Variants in SYBU observed in about 807,000 individuals in gnomAD.
SYBU encodes the protein GOLSYN A protein.
Under a neutral mutation model 35.9 loss-of-function variants are expected in SYBU, and 21 were observed. That is an observed-to-expected ratio of 0.58 (90% CI 0.41 to 0.84). The LOEUF (loss-of-function observed/expected upper bound fraction) is 0.84. SYBU is among the 40% of genes least tolerant of loss of function. SYBU has a pLI of 0.00. For missense variants in SYBU, 768 were observed against 848.2 expected (o/e 0.91, Z 1.17); for synonymous variants, 319 against 324.3 (o/e 0.98, Z 0.18).
At chr8:109,658,098 G>T (rs887976199) in intron 1 of SYBU, among the ~76,000 whole-genome samples, 1 of 152,068 alleles carries the variant, frequency 6.6e-6, no homozygotes, top group Non-Finnish European at 1.5e-5. Flanking sequence ...CCTCTTAAAG[G>T]TACTGTAGCA....
At position 109,652,921 on chromosome 8, in the gene SYBU, T is replaced by C. The variant is rs1368421649; in HGVS notation, c.-129+27790A>G. On this transcript the variant is annotated intron_variant, in intron 1 of 5. Coordinates refer to the SYBU transcript ENST00000408889. ...TTGGTATTCTTATTTGTAAAATACA[T>C]GCGTGGTTCTACTTCATAGGTCTAT... Among the ~76,000 whole-genome samples the C allele has an allele frequency of 2.6e-5, 4 of 152,210 alleles. No individual in the cohort carries two copies. In the South Asian group the frequency reaches 6.2e-4, roughly 24 times the overall value.
intron 3 of SYBU, among the ~76,000 whole-genome samples, chr8:109,606,330 G>A (rs1300795185): frequency 6.6e-6 from 1 of 152,104 alleles, no homozygotes; most frequent in Non-Finnish European, 1.5e-5. Context: ...TAATTTTTTT[G>A]TATGCCATAT....
At chr8:109,678,418 A>G (rs560601315) in intron 1 of SYBU, among the ~76,000 whole-genome samples, 5 of 144,698 alleles carry the variant, frequency 3.5e-5, no homozygotes, top group Non-Finnish European at 6.0e-5. Flanking sequence ...GGGGTGGAAG[A>G]GCAGTTTCAA....
At chr8:109,645,648 C>CTTTTTTTTTTTTTTTT (rs1815615372), upstream of SYBU, 1 of 258,834 alleles carries the variant, frequency 3.9e-6, no homozygotes, top group African/African-American at 4.1e-5. Context: ...TTTTTTTTTC[C>CTTTTTTTTTTTTTTTT]GTTGCTGTTG....
chr8:109,575,746 C>T lies in SYBU; in HGVS notation c.1152G>A (p.Leu384=), dbSNP rs61734661. 212,744 of 1,614,000 alleles carry T rather than the reference C, an allele frequency of 0.13. 15,869 individuals are homozygous for T. The highest frequency in any genetic ancestry group is 0.27 in the South Asian group (24,371 of 91,082). Residue 384 remains leucine (L), a synonymous_variant, in exon 7 of 7, where the codon CTG becomes CTA. Coordinates refer to ENST00000276646, the MANE Select transcript of SYBU (RefSeq NM_001099754.2). ...GAAAGTCTAGGCACAGTTCGTCCCT[C>T]AGAGAGCCACTGTGTGCCATCTCCA... The part of the protein sequence containing the change: ...QSMEMAHSGS[L]RDELCLDFPC...
At chr8:109,689,877 G>T (rs1817607893) in intron 1 of SYBU, among the ~76,000 whole-genome samples, 2 of 148,004 alleles carry the variant, frequency 1.4e-5, no homozygotes, top group African/African-American at 2.5e-5. Flanking sequence ...AGAGACAGCT[G>T]GTTCTAAGTG....
chr8:109,654,453 T>C (rs1296524964), intron 1 of SYBU, among the ~76,000 whole-genome samples: 1 of 152,234 alleles, frequency 6.6e-6, no homozygotes, highest in Non-Finnish European at 1.5e-5. Context: ...CCTCCTGATC[T>C]TCCCCTACTT....
chr8:109,658,931 G>A (rs866720639), intron 1 of SYBU, among the ~76,000 whole-genome samples: 4 of 151,894 alleles, frequency 2.6e-5, no homozygotes, highest in African/African-American at 4.8e-5. Context: ...ACTCAAGCCT[G>A]GGAGACAGAG....
upstream of SYBU, chr8:109,645,588 C>T (rs1263250691): frequency 3.4e-6 from 1 of 298,332 alleles, no homozygotes; most frequent in Non-Finnish European, 6.7e-6. Flanking sequence ...TCCCTTCAGC[C>T]TGAGTGCCTT....
In SYBU at chr8:109,691,433, G is replaced by C. The variant is rs1410814438; in HGVS notation, c.-158C>G. On this transcript the variant is annotated 5_prime_UTR_variant, in exon 1 of 8. Coordinates refer to the SYBU transcript ENST00000422135. This position sits in a 1 kb window ranked among gnomAD's most constrained non-coding sequence, Gnocchi z 4.7. ...GCTGGGCCGGGTGCCGGTGCGGACGGGACCCCGCGTCGCTGCTGGTTTGCG... is the reference window on the plus strand; with the variant it reads ...GCTGGGCCGGGTGCCGGTGCGGACGCGACCCCGCGTCGCTGCTGGTTTGCG... 1 of 670,980 alleles carries C rather than the reference G, an allele frequency of 1.5e-6. No individual in the cohort carries two copies. The highest frequency in any genetic ancestry group is 2.7e-6 in the Non-Finnish European group (1 of 372,352). The allele number at this position is 670,980 out of a possible 1,614,324, so 41.6% of individuals were successfully genotyped here.
chr8:109,669,541 G>T (rs1014666822), intron 1 of SYBU, among the ~76,000 whole-genome samples: 2 of 152,038 alleles, frequency 1.3e-5, no homozygotes, highest in East Asian at 3.8e-4. Context: ...GTCAGGTTTG[G>T]TTCAAACACT....
chr8:109,677,368 CA>C (rs1372808174), intron 1 of SYBU, among the ~76,000 whole-genome samples: 4 of 152,130 alleles, frequency 2.6e-5, no homozygotes, highest in African/African-American at 9.7e-5. Context: ...AACAATTAGA[CA>C]AATTAATAAA....
At chr8:109,583,763 A>G (rs1215675628) in intron 4 of SYBU, among the ~76,000 whole-genome samples, 1 of 152,174 alleles carries the variant, frequency 6.6e-6, no homozygotes, top group Non-Finnish European at 1.5e-5. Flanking sequence ...ATAGTCCATG[A>G]CCAAAATCTA....
intron 3 of SYBU, among the ~76,000 whole-genome samples, chr8:109,618,440 G>A (rs1812059915): frequency 6.6e-6 from 1 of 152,172 alleles, no homozygotes; most frequent in South Asian, 2.1e-4. Flanking sequence ...ATAACTCCCA[G>A]CTCTACAGAG....
At chr8:109,612,142 C>A (rs761038428) in intron 3 of SYBU, among the ~76,000 whole-genome samples, 1 of 152,088 alleles carries the variant, frequency 6.6e-6, no homozygotes, top group Non-Finnish European at 1.5e-5. Flanking sequence ...GTCACTTAAC[C>A]TCCTTGTACC....
chr8:109,678,813 A>T (rs1206980120), intron 1 of SYBU, among the ~76,000 whole-genome samples: 2 of 152,148 alleles, frequency 1.3e-5, no homozygotes, highest in Non-Finnish European at 2.9e-5. Context: ...TAAATCTTAG[A>T]ATTACAAGAA....
rs190911219 is a variant in SYBU at position 109,632,079 on chromosome 8, C to T, written c.229+10649G>A. Among the ~76,000 whole-genome samples, 17 of 152,224 alleles carry T rather than the reference C, an allele frequency of 1.1e-4. No homozygotes were observed. The East Asian group carries it at 2.3e-3, about 21-fold the overall frequency. On this transcript the variant is annotated intron_variant, in intron 2 of 6. Coordinates refer to ENST00000276646, the MANE Select transcript of SYBU (RefSeq NM_001099754.2). Reference sequence around the variant, plus strand: ...CTTTTATTTTTTTGAGACAGAGTTTCGCTCTTGTCGCCCAGGCTGGAGAAC... The same window carrying T: ...CTTTTATTTTTTTGAGACAGAGTTTTGCTCTTGTCGCCCAGGCTGGAGAAC...
At chr8:109,614,332 A>G (rs1298920491) in intron 3 of SYBU, among the ~76,000 whole-genome samples, 2 of 152,242 alleles carry the variant, frequency 1.3e-5, no homozygotes, top group African/African-American at 4.8e-5. Context: ...AAGTAATCCA[A>G]TTAGGTAGGT....
intron 4 of SYBU, among the ~76,000 whole-genome samples, chr8:109,581,559 A>G (rs1280705831): frequency 2.0e-5 from 3 of 152,232 alleles, no homozygotes; most frequent in Non-Finnish European, 4.4e-5. Context: ...AATTACTTAA[A>G]CAGGATAAAG....
Sources: allele counts gnomAD v4.1 joint callset (sites outside exome capture counted in the v4.1 genomes callset), GRCh38; gene constraint gnomAD v4.1.1; non-coding constraint Gnocchi (gnomAD v3.1); transcripts MANE v1.5; gene names NCBI Gene and HGNC (gene_info 2026-07-23, HGNC 2026-07-21).